GAK: variants seen among roughly 807,000 people sequenced by gnomAD.
GAK encodes cyclin-G-associated kinase.
GAK carries 79 observed loss-of-function variants against 143.9 expected under a neutral mutation model. The observed-to-expected ratio is 0.55, with a 90% confidence interval of 0.46 to 0.66. The LOEUF (loss-of-function observed/expected upper bound fraction) is 0.66. GAK is among the 30% of genes least tolerant of loss of function. The probability of loss-of-function intolerance (pLI) is 0.00; values close to 1 mark genes in which losing one functional copy is unlikely to be tolerated. For synonymous variants in GAK, 881 were observed against 765.5 expected (o/e 1.15, Z -2.49); for missense variants, 1,693 against 1,779.7 (o/e 0.95, Z 0.88).
At chr4:931,906 G>T in intron 1 of GAK, 137 bp downstream of exon 1, 1 of 679,104 alleles carries the variant, frequency 1.5e-6, no homozygotes, top group Non-Finnish European at 2.5e-6. Context: ...CCCTCCCCTG[G>T]CCGACCCTGA....
rs1751169041 is a variant in GAK at position 866,381 on chromosome 4, G to A, written c.3026C>T (p.Ala1009Val). The A allele has an allele frequency of 1.2e-6, 2 of 1,614,064 alleles. No individual in the cohort carries two copies. Among genetic ancestry groups the A allele is most frequent in the Non-Finnish European group, 1.7e-6 (2 of 1,179,988 alleles). The change falls in exon 22 of 28, where the codon GCC (alanine) becomes GTC (valine). Residue 1009 changes from alanine to valine, a missense_variant. Physicochemically the swap from Ala to Val is moderately conservative, Grantham distance 64 (BLOSUM62 0). Transcript: ENST00000314167. ...GCACTTACCCAGGTGCAGGAAGTCG[G>A]CGCTGCAGGATGGGGGCGGAGCACT... ...AHSAPPPSCS[A>V]DFLHLGDLPG...
At chr4:893,612 G>A (rs1485648928) in intron 8 of GAK, 123 bp from the exon 9 acceptor site, 11 of 743,766 alleles carry the variant, frequency 1.5e-5, no homozygotes, top group Non-Finnish European at 2.1e-5. Context: ...GACGTCAGAA[G>A]CAAGAAGGGA....
chr4:881,788 C>A (rs544168926), intron 15 of GAK, 119 bp downstream of exon 15: 3 of 1,273,072 alleles, frequency 2.4e-6, no homozygotes, highest in East Asian at 2.6e-5. Flanking sequence ...GCCGGGCCTG[C>A]CTTTCCCACC....
Position 904,880 on chromosome 4 carries a change from A to C in GAK, c.383-101T>G, listed in dbSNP as rs1720786822. On this transcript the variant is annotated intron_variant, in intron 4 of 27. Coordinates refer to ENST00000314167, the MANE Select transcript of GAK (RefSeq NM_005255.4). ...GACTTCCCAGAACTAAATGGAAAGG[A>C]AAACCCTGACTTTCCACACCTAAGT... The C allele has an allele frequency of 2.4e-6, 3 of 1,224,498 alleles. No homozygotes were observed. The Admixed American group carries it at 7.1e-5, about 29-fold the overall frequency. The allele number at this position is 1,224,498 out of a possible 1,614,324, so 75.9% of individuals were successfully genotyped here. A position where few individuals can be genotyped will look rare whatever the true frequency, so the allele number is the denominator to read the frequency against.
At chr4:870,984 C>T in intron 18 of GAK, 80 bp from the exon 19 acceptor site, 2 of 1,279,462 alleles carry the variant, frequency 1.6e-6, no homozygotes, top group East Asian at 2.5e-5. Context: ...AAGAAACGTG[C>T]ATGGAAACAG....
At chr4:856,888 C>G (rs982830246) in intron 24 of GAK, among the ~76,000 whole-genome samples, 2 of 152,246 alleles carry the variant, frequency 1.3e-5, no homozygotes, top group African/African-American at 4.8e-5. Flanking sequence ...CTGTGGGTCT[C>G]TAGACATGCT....
At position 849,410 on chromosome 4, in the gene GAK, AC is replaced by A. The variant is rs1203383038; in HGVS notation, c.*262del. The A allele has an allele frequency of 1.9e-6, 1 of 529,996 alleles. No individual in the cohort carries two copies. The highest frequency in any genetic ancestry group is 3.4e-6 in the Non-Finnish European group (1 of 292,996). 32.8% of individuals were successfully genotyped at this position (529,996 alleles called of 1,614,324 possible). A position where few individuals can be genotyped will look rare whatever the true frequency, so the allele number is the denominator to read the frequency against. ...GGGCTCCAGAGGCCACGCCCGAAACACCAAATAAATCACAGACGTGACAATT... is the reference window on the plus strand; with the variant it reads ...GGGCTCCAGAGGCCACGCCCGAAACACAAATAAATCACAGACGTGACAATT... On this transcript the variant is annotated 3_prime_UTR_variant, in exon 28 of 28. Coordinates refer to ENST00000314167, the MANE Select transcript of GAK (RefSeq NM_005255.4).
chr4:923,578 G>A (rs988945830), intron 1 of GAK, among the ~76,000 whole-genome samples: 6 of 152,204 alleles, frequency 3.9e-5, no homozygotes, highest in Non-Finnish European at 8.8e-5. Flanking sequence ...GGGAGGCTGA[G>A]GTGGGAGGAT....
intron 11 of GAK, 86 bp from the exon 12 acceptor site, chr4:884,172 G>T: frequency 8.3e-7 from 1 of 1,210,308 alleles, no homozygotes; most frequent in South Asian, 1.3e-5. Flanking sequence ...CCGAGGCCTG[G>T]AGAAGCCGTG....
chr4:870,544 A>C (rs1218155934), intron 19 of GAK, among the ~76,000 whole-genome samples, 167 bp downstream of exon 19: 1 of 152,190 alleles, frequency 6.6e-6, no homozygotes, highest in Non-Finnish European at 1.5e-5. Context: ...GGTGGTGTCC[A>C]ACATCCACGA....
In GAK at chr4:893,933, T is replaced by C. The variant is rs761647275; in HGVS notation, c.818A>G (p.Asn273Ser). Residue 273 changes from asparagine to serine, a missense_variant, in exon 8 of 28, where the codon AAT (asparagine) becomes AGT (serine). Physicochemically the swap from Asn to Ser is conservative, Grantham distance 46. Around this residue, in one of 2 missense-constraint regions of GAK, gnomAD observed 871 missense variants for 991.0 expected, o/e 0.88. Transcript: ENST00000314167. ...FEDGAKLRIVNGKYSIPPHDT... is the reference protein window; with the variant it reads ...FEDGAKLRIVSGKYSIPPHDT... Reference sequence around the variant, plus strand: ...GTGCGGGGGGATCGAGTACTTCCCATTGACTATTCGAAGTTTCGCTCCATC... The same window carrying C: ...GTGCGGGGGGATCGAGTACTTCCCACTGACTATTCGAAGTTTCGCTCCATC... 1.3e-5 allele frequency: 21 copies of C among 1,612,822 alleles called. No individual in the cohort carries two copies. Among genetic ancestry groups the C allele is most frequent in the Admixed American group, 8.3e-5 (5 of 59,928 alleles).
rs952839263 is a variant in GAK, at chr4:874,885, C to T, written c.2054+1645G>A. On this transcript the variant is annotated intron_variant, in intron 18 of 27. Transcript: ENST00000314167. ...CCTCTCTGTACGTGTCTTCTTCCAT[C>T]CTTTCTTCTCTGCGCTGCTGTCAGA... 6.6e-5 allele frequency among the ~76,000 whole-genome samples: 10 copies of T among 152,330 alleles called. No individual in the cohort carries two copies. In the South Asian group the frequency reaches 1.2e-3, roughly 19 times the overall value.
chr4:899,008 C>T (rs926075347), intron 5 of GAK, among the ~76,000 whole-genome samples: 1 of 152,250 alleles, frequency 6.6e-6, no homozygotes, highest in Non-Finnish European at 1.5e-5. Flanking sequence ...GCTGAGAAGC[C>T]ACGGACGCCA....
rs1751195571 is a variant in GAK, at chr4:866,477, T to C, written c.2930A>G (p.Asn977Ser). ...SSGNNSQPCSNPDLFGEFLNS... is the reference protein window; with the variant it reads ...SSGNNSQPCSSPDLFGEFLNS... ...GAGAAATTCGCCGAAGAGATCAGGA[T>C]TGGAGCAGGGCTGGGAGTTGTTGCC... The change falls in exon 22 of 28, where the codon AAT (asparagine) becomes AGT (serine). Residue 977 changes from asparagine (N) to serine (S), a missense_variant. Coordinates refer to ENST00000314167, the MANE Select transcript of GAK (RefSeq NM_005255.4). The C allele has an allele frequency of 1.9e-6, 3 of 1,613,876 alleles. No homozygotes were observed. The highest frequency in any genetic ancestry group is 2.5e-6 in the Non-Finnish European group (3 of 1,179,954).
chr4:873,916 C>T (rs1411023283), intron 18 of GAK, among the ~76,000 whole-genome samples: 2 of 152,204 alleles, frequency 1.3e-5, no homozygotes, highest in African/African-American at 2.4e-5. Context: ...AGCAGGGCGT[C>T]GGTCTACCAG....
chr4:896,270 CA>C (rs1490889166), intron 7 of GAK, among the ~76,000 whole-genome samples, 189 bp downstream of exon 7: 3 of 151,472 alleles, frequency 2.0e-5, no homozygotes, highest in South Asian at 4.2e-4. Flanking sequence ...ACCCTGTCTC[CA>C]AAAAAACCCA....
At chr4:890,730 C>A in intron 9 of GAK, 108 bp from the exon 10 acceptor site, 1 of 844,052 alleles carries the variant, frequency 1.2e-6, no homozygotes, top group Non-Finnish European at 1.9e-6. Context: ...CCTTCTGCCC[C>A]CTGATCTATG....
At chr4:870,615 T>TG (rs1712358002) in intron 19 of GAK, 96 bp downstream of exon 19, 4 of 1,325,662 alleles carry the variant, frequency 3.0e-6, no homozygotes, top group Admixed American at 2.1e-5. Flanking sequence ...GCAGCAGGCG[T>TG]GGGGCCCAGC....
At chr4:914,770 GCCC>G (rs1475723578) in intron 1 of GAK, among the ~76,000 whole-genome samples, 9 of 87,442 alleles carry the variant, frequency 1.0e-4, no homozygotes, top group African/African-American at 1.9e-4. Context: ...AGCATACACG[GCCC>G]CCAACACACA....
Sources: gnomAD v4.1 joint callset for allele counts (sites outside exome capture counted in the v4.1 genomes callset) on GRCh38, gnomAD v4.1.1 for gene constraint, gnomAD v4.1.1 regional missense constraint, MANE v1.5 for transcripts, NCBI Gene and HGNC (gene_info 2026-07-23, HGNC 2026-07-21) for gene names.